SPATS2: variants seen among roughly 807,000 people sequenced by gnomAD.
The protein encoded by SPATS2 is spermatogenesis-associated serine-rich protein 2.
SPATS2 carries 38 observed loss-of-function variants against 63.7 expected under a neutral mutation model. That is an observed-to-expected ratio of 0.60 (90% CI 0.46 to 0.78). SPATS2 has a LOEUF of 0.78. SPATS2 is among the 30% of genes least tolerant of loss of function. The pLI is 0.00. For synonymous variants in SPATS2, 207 were observed against 232.9 expected, an observed-to-expected ratio of 0.89 and a Z score of 1.01; for missense variants, 588 against 666.2, an observed-to-expected ratio of 0.88 and a Z score of 1.29.
At chr12:49,519,318 C>A in intron 11 of SPATS2, 136 bp downstream of exon 11, 1 of 655,414 alleles carries the variant, frequency 1.5e-6, no homozygotes, top group Non-Finnish European at 2.5e-6. Flanking sequence ...TTCCAAGTCC[C>A]TTTCTCTGTA....
intron 3 of SPATS2, among the ~76,000 whole-genome samples, chr12:49,467,245 G>A (rs1257674013): frequency 1.6e-5 from 2 of 125,520 alleles, no homozygotes; most frequent in Non-Finnish European, 3.3e-5. Context: ...TGTATTTTTA[G>A]TAGAGACGGG....
intron 2 of SPATS2, among the ~76,000 whole-genome samples, chr12:49,427,454 AT>A (rs1945100907): frequency 6.6e-6 from 1 of 152,064 alleles, no homozygotes; most frequent in Non-Finnish European, 1.5e-5. Flanking sequence ...GGTTGTTTCC[AT>A]TTTCTTAACT....
chr12:49,472,361 A>G (rs796154129), intron 3 of SPATS2, among the ~76,000 whole-genome samples: 5 of 152,030 alleles, frequency 3.3e-5, no homozygotes, highest in African/African-American at 1.2e-4. Flanking sequence ...CATAAAATAT[A>G]CTAACCAAAA....
chr12:49,418,793 A>G (rs1257204823), intron 2 of SPATS2, among the ~76,000 whole-genome samples: 1 of 152,208 alleles, frequency 6.6e-6, no homozygotes, highest in African/African-American at 2.4e-5. Context: ...AAGCTTTGGT[A>G]GAATTCCTGC....
chr12:49,371,440 G>C (rs1943996124), intron 2 of SPATS2, 150 bp downstream of exon 2: 2 of 152,118 alleles, frequency 1.3e-5, no homozygotes, highest in Non-Finnish European at 2.9e-5. Context: ...ATCACATTTT[G>C]TTTATCCATT....
upstream of SPATS2, chr12:49,367,188 GCCGCGCTCGCGCAC>G (rs1470380480): frequency 5.6e-6 from 1 of 178,304 alleles, no homozygotes; most frequent in African/African-American, 2.4e-5. Context: ...CGCCGCTCGA[GCCGCGCTCGCGCAC>G]CCGTTGGCTG....
intron 3 of SPATS2, among the ~76,000 whole-genome samples, chr12:49,477,115 A>G (rs1946132069): frequency 6.6e-6 from 1 of 152,110 alleles, no homozygotes; most frequent in African/African-American, 2.4e-5. Context: ...AAAAAAAAAA[A>G]AAAATTCTTG....
At chr12:49,427,697 A>C (rs74716375) in intron 2 of SPATS2, among the ~76,000 whole-genome samples, 11,644 of 152,220 alleles carry the variant, frequency 0.076, 501 homozygotes, top group African/African-American at 0.091. Context: ...GGACTATGTC[A>C]ATTTTCCTTT....
At chr12:49,458,798 G>A (rs142916091) in intron 2 of SPATS2, among the ~76,000 whole-genome samples, 1,925 of 150,474 alleles carry the variant, frequency 0.013, 55 homozygotes, top group Non-Finnish European at 0.014. Flanking sequence ...TCTTTACCCA[G>A]AAATCTTGGG....
In SPATS2 at chr12:49,524,910, T is replaced by C. The variant is rs758498129; in HGVS notation, c.1326+14T>C. 1.2e-6 allele frequency: 2 copies of C among 1,611,472 alleles called. No individual in the cohort carries two copies. The highest frequency in any genetic ancestry group is 3.3e-5 in the Admixed American group (2 of 59,990). ...CCACTTCGGGAGGTAACCTAGCTTCTACACTGAGCATGTTAGGAAGAAAAC... is the reference window on the plus strand; with the variant it reads ...CCACTTCGGGAGGTAACCTAGCTTCCACACTGAGCATGTTAGGAAGAAAAC... On this transcript the variant is annotated intron_variant, in intron 13 of 13. Coordinates refer to ENST00000552918, the MANE Select transcript of SPATS2 (RefSeq NM_023071.4).
At chr12:49,446,811 AGATT>A (rs1945519105) in intron 2 of SPATS2, among the ~76,000 whole-genome samples, 1 of 152,204 alleles carries the variant, frequency 6.6e-6, no homozygotes, top group Non-Finnish European at 1.5e-5. Flanking sequence ...AGCAGTACAT[AGATT>A]ATGTTTGATT....
At chr12:49,391,895 C>G (rs1944424710) in intron 2 of SPATS2, among the ~76,000 whole-genome samples, 1 of 152,008 alleles carries the variant, frequency 6.6e-6, no homozygotes, top group Non-Finnish European at 1.5e-5. Context: ...GGCTAATGGC[C>G]CAAACATTAC....
intron 2 of SPATS2, among the ~76,000 whole-genome samples, chr12:49,423,548 C>CAT (rs1331438745): frequency 6.6e-6 from 1 of 152,154 alleles, no homozygotes; most frequent in Non-Finnish European, 1.5e-5. Flanking sequence ...TCTGATATAC[C>CAT]ATAATTCTTC....
At chr12:49,402,645 G>A (rs1180671702) in intron 2 of SPATS2, among the ~76,000 whole-genome samples, 1 of 152,146 alleles carries the variant, frequency 6.6e-6, no homozygotes, top group Non-Finnish European at 1.5e-5. Context: ...CGCCTGGAAT[G>A]ATAGCCCAGT....
chr12:49,453,847 A>G (rs73297243), intron 2 of SPATS2, among the ~76,000 whole-genome samples: 25,640 of 145,882 alleles, frequency 0.18, 3,232 homozygotes, highest in African/African-American at 0.35. Flanking sequence ...AATTGCAGCA[A>G]ATAGCATTCT....
intron 2 of SPATS2, among the ~76,000 whole-genome samples, chr12:49,444,991 G>A (rs1945486823): frequency 6.6e-6 from 1 of 152,158 alleles, no homozygotes; most frequent in Admixed American, 6.5e-5. Context: ...TGGTGTGTGT[G>A]TATATGTGTT....
intron 2 of SPATS2, among the ~76,000 whole-genome samples, chr12:49,454,889 A>AC (rs1445727261): frequency 6.6e-6 from 1 of 151,612 alleles, no homozygotes; most frequent in African/African-American, 2.4e-5. Flanking sequence ...TTAAAAAAAA[A>AC]AAAAAAAAAC....
chr12:49,373,163 G>T lies in SPATS2; in HGVS notation c.-244+1873G>T, dbSNP rs186273112. Among the ~76,000 whole-genome samples, 62 of 152,132 alleles carry T rather than the reference G, an allele frequency of 4.1e-4. No homozygotes were observed. The Middle Eastern group carries it at 0.01, about 25-fold the overall frequency. ...AATTTTTTGTATTTTTAGTAGAGAGGGGGTTTCTTCATGTTGGTCAGGCTG... is the reference window on the plus strand; with the variant it reads ...AATTTTTTGTATTTTTAGTAGAGAGTGGGTTTCTTCATGTTGGTCAGGCTG... On this transcript the variant is annotated intron_variant, in intron 2 of 13. Transcript: ENST00000552918.
At chr12:49,519,016 T>C in intron 10 of SPATS2, 57 bp from the exon 11 acceptor site, 1 of 1,405,688 alleles carries the variant, frequency 7.1e-7, no homozygotes, top group African/African-American at 1.4e-5. Context: ...ATATTTCTAG[T>C]TCTTCTTTAT....
Sources: gnomAD v4.1 joint callset for allele counts (sites outside exome capture counted in the v4.1 genomes callset) on GRCh38, gnomAD v4.1.1 for gene constraint, MANE v1.5 for transcripts, NCBI Gene and HGNC (gene_info 2026-07-23, HGNC 2026-07-21) for gene names.